GLIS1: variants seen among roughly 807,000 people sequenced by gnomAD.
The protein encoded by GLIS1 is GLIS family zinc finger 1.
Under a neutral mutation model 63.8 loss-of-function variants are expected in GLIS1, and 24 were observed. The observed-to-expected ratio is 0.38, with a 90% CI of 0.27 to 0.53. GLIS1 has a LOEUF of 0.53. Among genes scored for constraint, GLIS1 ranks in the 20% least tolerant of loss-of-function variants. The probability of loss-of-function intolerance (pLI) is 0.85; values close to 1 mark genes in which losing one functional copy is unlikely to be tolerated. For missense variants in GLIS1, 1,036 were observed against 1,074.1 expected (o/e 0.96, Z 0.50); for synonymous variants, 450 against 482.5 (o/e 0.93, Z 0.88).
At chr1:53,716,499 C>T (rs144570112) in intron 2 of GLIS1, among the ~76,000 whole-genome samples, 19 of 152,082 alleles carry the variant, frequency 1.2e-4, no homozygotes, top group African/African-American at 3.9e-4. Context: ...AAGTGGAACT[C>T]AGATGAAATG....
At chr1:53,666,752 T>C (rs148411502) in intron 2 of GLIS1, among the ~76,000 whole-genome samples, 2,124 of 152,150 alleles carry the variant, frequency 0.014, 35 homozygotes, top group African/African-American at 0.047. Flanking sequence ...ACTCACCAAA[T>C]CCCTTCCCAT....
At chr1:53,582,098 T>C (rs1033176631) in intron 4 of GLIS1, among the ~76,000 whole-genome samples, 6 of 152,174 alleles carry the variant, frequency 3.9e-5, no homozygotes, top group Non-Finnish European at 7.4e-5. Flanking sequence ...TTAGACTGTA[T>C]CAGGGTCAGG....
At chr1:53,576,316 C>T (rs1205988843) in intron 4 of GLIS1, among the ~76,000 whole-genome samples, 1 of 152,198 alleles carries the variant, frequency 6.6e-6, no homozygotes, top group Non-Finnish European at 1.5e-5. Context: ...GGGACAATCT[C>T]AGCTCCAGCA....
intron 4 of GLIS1, among the ~76,000 whole-genome samples, chr1:53,576,497 C>T (rs1228465629): frequency 6.6e-6 from 1 of 152,176 alleles, no homozygotes. Flanking sequence ...CCTCTTCTTC[C>T]AGCTAGTTAG....
intron 4 of GLIS1, among the ~76,000 whole-genome samples, chr1:53,546,289 G>T (rs1644697795): frequency 6.6e-6 from 1 of 152,238 alleles, no homozygotes; most frequent in Non-Finnish European, 1.5e-5. Flanking sequence ...TTGGCAGGGA[G>T]GGCGAGGATG....
intron 2 of GLIS1, among the ~76,000 whole-genome samples, chr1:53,649,823 T>C (rs894163883): frequency 1.3e-5 from 2 of 152,248 alleles, no homozygotes; most frequent in Admixed American, 6.5e-5. Context: ...GTAATCCATA[T>C]AACATATAAA....
chr1:53,529,111 A>G (rs896004788), intron 5 of GLIS1, among the ~76,000 whole-genome samples: 6 of 152,200 alleles, frequency 3.9e-5, no homozygotes, highest in Non-Finnish European at 8.8e-5. Flanking sequence ...TGAGGGGTGA[A>G]GTTTTAGAAA....
intron 2 of GLIS1, among the ~76,000 whole-genome samples, chr1:53,677,164 C>T (rs1215571652): frequency 6.6e-6 from 1 of 152,202 alleles, no homozygotes; most frequent in Non-Finnish European, 1.5e-5. Flanking sequence ...ATGAGCTTCC[C>T]GAGGAGCTAG....
chr1:53,529,902 G>A lies in GLIS1; in HGVS notation c.1371C>T (p.His457=), dbSNP rs145292369. The A allele has an allele frequency of 3.0e-5, 48 of 1,613,956 alleles. No individual in the cohort carries two copies. In the African/African-American group the frequency reaches 4.4e-4, roughly 15 times the overall value. ...AFSRLENLKI[H]LRSHTGEKPY... is the part of the protein sequence containing the mutation. ...GCTTCTCGCCCGTGTGGCTCCTCAGGTGGATCTTGAGGTTCTCCAGCCGTG... is the reference window on the plus strand; with the variant it reads ...GCTTCTCGCCCGTGTGGCTCCTCAGATGGATCTTGAGGTTCTCCAGCCGTG... Residue 457 remains histidine, a synonymous_variant, in exon 5 of 11, where the codon CAC becomes CAT. Transcript: ENST00000628545.
At chr1:53,737,747 C>G (rs956790462) in intron 2 of GLIS1, 59 bp downstream of exon 2, 3 of 1,228,740 alleles carry the variant, frequency 2.4e-6, no homozygotes, top group Admixed American at 4.2e-5. Context: ...GCGGTGGCGA[C>G]GCCGGGCAGC....
chr1:53,713,713 G>A (rs1557536991), intron 2 of GLIS1, among the ~76,000 whole-genome samples: 1 of 152,228 alleles, frequency 6.6e-6, no homozygotes, highest in Non-Finnish European at 1.5e-5. Flanking sequence ...AGTGAGCTGT[G>A]ATTACACCAC....
Position 53,639,293 on chromosome 1 carries a change from A to G in GLIS1, c.260-39015T>C, listed in dbSNP as rs1023435910. Reference sequence around the variant, plus strand: ...GGCGATGGCATATCCAGAAAGTGCCAGTGGGCTCCACCAGTCCCACCCTCG... The same window carrying G: ...GGCGATGGCATATCCAGAAAGTGCCGGTGGGCTCCACCAGTCCCACCCTCG... On this transcript the variant is annotated intron_variant, in intron 2 of 10. Coordinates refer to ENST00000628545, the MANE Select transcript of GLIS1 (RefSeq NM_001367484.1). This position sits in a 1 kb window ranked among gnomAD's most constrained non-coding sequence, Gnocchi z 4.6. Among the ~76,000 whole-genome samples, 1 of 152,170 alleles carries G rather than the reference A, an allele frequency of 6.6e-6. No homozygotes were observed. Among genetic ancestry groups the G allele is most frequent in the African/African-American group, 2.4e-5 (1 of 41,438 alleles).
chr1:53,506,996 G>C (rs1557936454), intron 10 of GLIS1, among the ~76,000 whole-genome samples: 1 of 152,140 alleles, frequency 6.6e-6, no homozygotes, highest in Non-Finnish European at 1.5e-5. Flanking sequence ...CACCCAGGGG[G>C]CCCAGGGCAG....
intron 6 of GLIS1, 104 bp downstream of exon 6, chr1:53,524,673 G>A: frequency 1.3e-6 from 1 of 775,814 alleles, no homozygotes; most frequent in Non-Finnish European, 2.3e-6. Flanking sequence ...TGGCATACAG[G>A]GCGAGTGGGT....
chr1:53,570,185 T>G (rs1263417994), intron 4 of GLIS1, among the ~76,000 whole-genome samples: 1 of 152,010 alleles, frequency 6.6e-6, no homozygotes, highest in Non-Finnish European at 1.5e-5. Flanking sequence ...TTATAATAGA[T>G]AGTTTACTGA....
chr1:53,595,842 G>T (rs1645250484), intron 3 of GLIS1, among the ~76,000 whole-genome samples: 1 of 152,206 alleles, frequency 6.6e-6, no homozygotes, highest in South Asian at 2.1e-4. Flanking sequence ...AGTCCTGGTG[G>T]GGGTGTCTCA....
At chr1:53,514,906 T>G in intron 7 of GLIS1, 125 bp from the exon 8 acceptor site, 64 of 1,136,410 alleles carry the variant, frequency 5.6e-5, no homozygotes, top group African/African-American at 8.0e-5. Context: ...AACAACGTTG[T>G]ATCACTGGAA....
At chr1:53,723,965 A>T in intron 2 of GLIS1, among the ~76,000 whole-genome samples, 1 of 152,192 alleles carries the variant, frequency 6.6e-6, no homozygotes, top group East Asian at 1.9e-4. Context: ...TTACCCGCTA[A>T]GGAACCAGCA....
At chr1:53,586,217 T>C (rs938154487) in intron 4 of GLIS1, among the ~76,000 whole-genome samples, 5 of 152,128 alleles carry the variant, frequency 3.3e-5, no homozygotes, top group Non-Finnish European at 7.3e-5. Flanking sequence ...AAGAAAAGCA[T>C]CCCAATGTAA....
Sources: gnomAD v4.1 joint callset for allele counts (sites outside exome capture counted in the v4.1 genomes callset) on GRCh38, gnomAD v4.1.1 for gene constraint, Gnocchi (gnomAD v3.1) non-coding constraint, MANE v1.5 for transcripts, NCBI Gene and HGNC (gene_info 2026-07-23, HGNC 2026-07-21) for gene names.